UNC5A: variants seen among roughly 807,000 people sequenced by gnomAD.
The protein encoded by UNC5A is unc-5 netrin receptor A, also known as netrin receptor UNC5A.
Under a neutral mutation model 87.4 loss-of-function variants are expected in UNC5A, and 20 were observed. That is an observed-to-expected ratio of 0.23 (90% CI 0.16 to 0.33). UNC5A has a LOEUF of 0.33. UNC5A is among the 10% of genes least tolerant of loss of function. UNC5A has a pLI of 1.00. For synonymous variants in UNC5A, 438 were observed against 482.3 expected, an observed-to-expected ratio of 0.91 and a Z score of 1.20; for missense variants, 844 against 1,133.4, an observed-to-expected ratio of 0.74 and a Z score of 3.67.
intron 1 of UNC5A, among the ~76,000 whole-genome samples, chr5:176,845,665 C>T (rs1360180380): frequency 6.6e-6 from 1 of 152,230 alleles, no homozygotes; most frequent in African/African-American, 2.4e-5. Flanking sequence ...GACAGCCCCT[C>T]TGCTCCTGGA....
intron 1 of UNC5A, among the ~76,000 whole-genome samples, chr5:176,815,513 G>A (rs939726251): frequency 6.6e-6 from 1 of 152,220 alleles, no homozygotes; most frequent in Non-Finnish European, 1.5e-5. Context: ...TTTCCACATT[G>A]ATAGAATGGG....
At position 176,878,650 on chromosome 5, in the gene UNC5A, G is replaced by A. The variant is rs773933590; in HGVS notation, c.2184+11G>A. The A allele has an allele frequency of 5.0e-6, 8 of 1,607,674 alleles. No homozygotes were observed. Among genetic ancestry groups the A allele is most frequent in the Non-Finnish European group, 6.8e-6 (8 of 1,176,312 alleles). ...TTCAACATCACCAAGGTGGACGGGA[G>A]GGGCTGCCGCACCGCCGTGACGTGC... On this transcript the variant is annotated intron_variant, in intron 13 of 14. Transcript: ENST00000329542.
At chr5:176,853,710 A>G (rs1057472714) in intron 1 of UNC5A, among the ~76,000 whole-genome samples, 1 of 152,186 alleles carries the variant, frequency 6.6e-6, no homozygotes, top group Non-Finnish European at 1.5e-5. Flanking sequence ...GCACGCTCCT[A>G]GACAGGAGAC....
intron 1 of UNC5A, among the ~76,000 whole-genome samples, chr5:176,813,763 G>C (rs764302583): frequency 1.3e-5 from 2 of 152,236 alleles, no homozygotes; most frequent in African/African-American, 2.4e-5. Flanking sequence ...GCTGCTCTGG[G>C]CCCAGACCCG....
intron 1 of UNC5A, among the ~76,000 whole-genome samples, chr5:176,828,721 G>A (rs944261081): frequency 6.6e-6 from 1 of 152,160 alleles, no homozygotes. Context: ...TAAAACACAC[G>A]CTTCTTGAGG....
In UNC5A at chr5:176,874,004, G is replaced by T. The variant is rs1211581984; in HGVS notation, c.923G>T (p.Gly308Val). Residue 308 changes from glycine (G) to valine (V), a missense_variant, in exon 7 of 15, where the codon GGC (glycine) becomes GTC (valine). Transcript: ENST00000329542. The surrounding 1 kb of genome is among the most constrained non-coding windows in gnomAD (Gnocchi z 7.6). ...SGPEDVALYV[G>V]LIAVAVCLVL... ...CCTGAGGACGTGGCCCTCTATGTGG[G>T]CCTCATCGCCGTGGCCGTCTGCCTG... 2 of 1,613,820 alleles carry T rather than the reference G, an allele frequency of 1.2e-6. No homozygotes were observed. Among genetic ancestry groups the T allele is most frequent in the Non-Finnish European group, 1.7e-6 (2 of 1,179,974 alleles).
At chr5:176,834,122 T>A (rs1757093057) in intron 1 of UNC5A, among the ~76,000 whole-genome samples, 1 of 152,196 alleles carries the variant, frequency 6.6e-6, no homozygotes, top group Non-Finnish European at 1.5e-5. Flanking sequence ...ACCGCGGAGC[T>A]GTGTGTGTGA....
chr5:176,821,515 G>A (rs1217744851), intron 1 of UNC5A, among the ~76,000 whole-genome samples: 1 of 152,218 alleles, frequency 6.6e-6, no homozygotes, highest in Non-Finnish European at 1.5e-5. Flanking sequence ...CGCCTTGAGA[G>A]TGGTCAGCAT....
In UNC5A at chr5:176,838,447, A is replaced by T. The variant is rs148388704; in HGVS notation, c.71-24177A>T. ...CTCCAGCCAAACTGGATTCTCAGTT[A>T]ACAATCTTTTGGTTGCAGTATGAAA... On this transcript the variant is annotated intron_variant, in intron 1 of 14. Transcript: ENST00000329542. This position sits in a 1 kb window ranked among gnomAD's most constrained non-coding sequence, Gnocchi z 4.2. Among the ~76,000 whole-genome samples the T allele has an allele frequency of 2.7e-3, 415 of 152,366 alleles. 4 individuals are homozygous for T. Among genetic ancestry groups the T allele is most frequent in the African/African-American group, 9.1e-3 (378 of 41,588 alleles).
At chr5:176,851,991 C>T (rs1026303573) in intron 1 of UNC5A, among the ~76,000 whole-genome samples, 1 of 152,222 alleles carries the variant, frequency 6.6e-6, no homozygotes, top group Non-Finnish European at 1.5e-5. Context: ...TCTCTGAACT[C>T]ATTTCCTCAT....
rs921892203 is a variant in UNC5A at position 176,869,829 on chromosome 5, C to T, written c.722-541C>T. On this transcript the variant is annotated intron_variant, in intron 5 of 14. Transcript: ENST00000329542. This position sits in a 1 kb window ranked among gnomAD's most constrained non-coding sequence, Gnocchi z 9.1. ...GCATCGTTCCTCACCACGCCATCTC[C>T]GTGCCCTGGCTCCATCGCGCCCACC... 13 of 577,910 alleles carry T rather than the reference C, an allele frequency of 2.2e-5. No individual in the cohort carries two copies. The highest frequency in any genetic ancestry group is 2.0e-5 in the South Asian group (1 of 50,678). 35.8% of individuals were successfully genotyped at this position (577,910 alleles called of 1,614,324 possible).
At chr5:176,850,531 C>T (rs552896159) in intron 1 of UNC5A, among the ~76,000 whole-genome samples, 192 of 148,132 alleles carry the variant, frequency 1.3e-3, no homozygotes, top group Non-Finnish European at 2.4e-3. Context: ...GAAGGAGAGT[C>T]GGGATGGCGC....
intron 1 of UNC5A, among the ~76,000 whole-genome samples, chr5:176,830,973 GGT>G (rs140085130): frequency 6.0e-4 from 90 of 149,090 alleles, no homozygotes; most frequent in African/African-American, 2.0e-3. Flanking sequence ...TGTGTGTGCT[GGT>G]GTGTGTGTGT....
chr5:176,821,559 C>T (rs1346806477), intron 1 of UNC5A, among the ~76,000 whole-genome samples: 2 of 152,166 alleles, frequency 1.3e-5, no homozygotes, highest in African/African-American at 2.4e-5. Context: ...GGTGTCCTGT[C>T]GAATGGTTAA....
chr5:176,870,950 A>G (rs572436274), intron 6 of UNC5A, among the ~76,000 whole-genome samples: 2,370 of 66,414 alleles, frequency 0.036, 77 homozygotes, highest in African/African-American at 0.089. Context: ...ATCTGCCCAC[A>G]CTCGCCCAAC....
intron 1 of UNC5A, among the ~76,000 whole-genome samples, chr5:176,849,979 G>A (rs1334216906): frequency 6.6e-6 from 1 of 152,256 alleles, no homozygotes; most frequent in East Asian, 1.9e-4. Flanking sequence ...GCTGAGAAGA[G>A]TTGGCTCCCA....
intron 1 of UNC5A, among the ~76,000 whole-genome samples, chr5:176,851,873 G>T (rs1365539115): frequency 2.6e-5 from 4 of 152,216 alleles, no homozygotes; most frequent in Non-Finnish European, 5.9e-5. Context: ...GAAATGGGGA[G>T]GGTGCCCCCA....
At chr5:176,849,768 G>T (rs568271918) in intron 1 of UNC5A, among the ~76,000 whole-genome samples, 2 of 152,306 alleles carry the variant, frequency 1.3e-5, no homozygotes, top group South Asian at 4.2e-4. Context: ...GAGGCAGAGT[G>T]GGGGCTGGGG....
At chr5:176,817,023 G>A (rs377173876) in intron 1 of UNC5A, among the ~76,000 whole-genome samples, 3 of 152,356 alleles carry the variant, frequency 2.0e-5, no homozygotes, top group South Asian at 4.1e-4. Context: ...GCCACACAGA[G>A]CTCTGGGAAG....
Sources: allele counts gnomAD v4.1 joint callset (sites outside exome capture counted in the v4.1 genomes callset), GRCh38; gene constraint gnomAD v4.1.1; non-coding constraint Gnocchi (gnomAD v3.1); transcripts MANE v1.5; gene names NCBI Gene and HGNC (gene_info 2026-07-23, HGNC 2026-07-21).